PLCB1: variants seen among roughly 807,000 people sequenced by gnomAD.
PLCB1 encodes phospholipase C beta 1.
PLCB1 carries 46 observed loss-of-function variants against 161.8 expected under a neutral mutation model. The observed-to-expected ratio is 0.28, with a 90% CI of 0.22 to 0.36. The LOEUF (loss-of-function observed/expected upper bound fraction) is 0.36. Ranked by LOEUF, PLCB1 falls within the 10% of genes least tolerant of loss-of-function variation. The pLI, the probability that PLCB1 is intolerant of heterozygous loss-of-function variation, is 1.00. For missense variants in PLCB1, 1,016 were observed against 1,472.5 expected (o/e 0.69, Z 5.07); for synonymous variants, 517 against 503.7 (o/e 1.03, Z -0.35).
chr20:8,318,201 A>G (rs1984746060), intron 2 of PLCB1, among the ~76,000 whole-genome samples: 1 of 152,172 alleles, frequency 6.6e-6, no homozygotes, highest in South Asian at 2.1e-4. Flanking sequence ...GTATGATGTT[A>G]TATGACTTCT....
chr20:8,880,400 G>C (rs1987930829), intron 31 of PLCB1, among the ~76,000 whole-genome samples: 1 of 151,984 alleles, frequency 6.6e-6, no homozygotes, highest in Admixed American at 6.6e-5. Flanking sequence ...TTTGAAGAAA[G>C]GCTTCCAGGA....
intron 23 of PLCB1, among the ~76,000 whole-genome samples, chr20:8,742,069 G>A (rs1980909374): frequency 6.6e-6 from 1 of 152,114 alleles, no homozygotes; most frequent in African/African-American, 2.4e-5. Flanking sequence ...GTATTATAAT[G>A]TGTGTCCTGC....
chr20:8,789,614 G>A (rs940855946), intron 30 of PLCB1, 39 bp downstream of exon 30: 4 of 1,473,352 alleles, frequency 2.7e-6, no homozygotes, highest in Non-Finnish European at 2.9e-6. Flanking sequence ...TGCAAAACAT[G>A]TGTGAACATT....
intron 2 of PLCB1, among the ~76,000 whole-genome samples, chr20:8,243,955 G>A (rs1444365124): frequency 6.6e-6 from 1 of 151,822 alleles, no homozygotes; most frequent in Non-Finnish European, 1.5e-5. Context: ...GAAAGAATAG[G>A]TTTTTACTAA....
At chr20:8,728,371 A>G (rs1187270189) in intron 17 of PLCB1, among the ~76,000 whole-genome samples, 1 of 152,058 alleles carries the variant, frequency 6.6e-6, no homozygotes, top group Non-Finnish European at 1.5e-5. Context: ...TGTTTTAAAG[A>G]CATAGCATGG....
intron 3 of PLCB1, among the ~76,000 whole-genome samples, chr20:8,518,045 G>A (rs977934860): frequency 2.6e-5 from 4 of 152,082 alleles, no homozygotes; most frequent in African/African-American, 7.2e-5. Flanking sequence ...AGCTGGGCTT[G>A]GTGGCATGCG....
intron 29 of PLCB1, among the ~76,000 whole-genome samples, chr20:8,789,212 T>C (rs1426476291): frequency 6.6e-6 from 1 of 152,114 alleles, no homozygotes; most frequent in Non-Finnish European, 1.5e-5. Context: ...ACTCTGTCTC[T>C]ACAAAAAAAT....
intron 11 of PLCB1, among the ~76,000 whole-genome samples, chr20:8,704,382 CA>C (rs1351575555): frequency 6.6e-6 from 1 of 151,728 alleles, no homozygotes; most frequent in Admixed American, 6.6e-5. Flanking sequence ...GAAAAGTTAG[CA>C]AAGACTAATT....
At position 8,882,644 on chromosome 20, in the gene PLCB1, A is replaced by T. The variant is rs1988036677; in HGVS notation, c.*795A>T. On this transcript the variant is annotated 3_prime_UTR_variant, in exon 32 of 32. Transcript: ENST00000338037. ...GGGTATTCATTGGTTATTGGCCTGA[A>T]ATGATCAAATAACTACAAATGATCT... 1 of 152,578 alleles carries T rather than the reference A, an allele frequency of 6.6e-6. No homozygotes were observed. The highest frequency in any genetic ancestry group is 2.1e-4 in the South Asian group (1 of 4,832). The allele number at this position is 152,578 out of a possible 1,614,324, so 9.5% of individuals were successfully genotyped here. A position where few individuals can be genotyped will look rare whatever the true frequency, so the allele number is the denominator to read the frequency against.
chr20:8,296,654 T>C (rs540021196), intron 2 of PLCB1, among the ~76,000 whole-genome samples: 11 of 152,318 alleles, frequency 7.2e-5, no homozygotes, highest in African/African-American at 2.6e-4. Flanking sequence ...TCTCCTTGTT[T>C]GGCATTCCTT....
intron 15 of PLCB1, among the ~76,000 whole-genome samples, 185 bp from the exon 16 acceptor site, chr20:8,724,471 C>T (rs541798685): frequency 2.6e-5 from 4 of 152,184 alleles, no homozygotes; most frequent in African/African-American, 9.6e-5. Flanking sequence ...CTCCCTTCCT[C>T]CCTCCCTTTT....
intron 3 of PLCB1, among the ~76,000 whole-genome samples, chr20:8,501,319 T>C (rs776299429): frequency 1.2e-4 from 18 of 152,242 alleles, no homozygotes; most frequent in Non-Finnish European, 2.5e-4. Flanking sequence ...AGAGACTCCA[T>C]TGGATGAGCA....
chr20:8,595,952 G>GT (rs1436196927), intron 3 of PLCB1, among the ~76,000 whole-genome samples: 16 of 114,766 alleles, frequency 1.4e-4, no homozygotes, highest in Admixed American at 4.3e-4. Flanking sequence ...GGGGTTGTTT[G>GT]TTTTTTTCTT....
intron 31 of PLCB1, among the ~76,000 whole-genome samples, chr20:8,809,946 C>A (rs1984731236): frequency 6.6e-6 from 1 of 152,198 alleles, no homozygotes; most frequent in East Asian, 1.9e-4. Context: ...CCTCCTGCTG[C>A]TAGTACTAGC....
At chr20:8,317,523 TC>T (rs937996146) in intron 2 of PLCB1, among the ~76,000 whole-genome samples, 1 of 146,358 alleles carries the variant, frequency 6.8e-6, no homozygotes. Flanking sequence ...CACCCCCCCA[TC>T]CCCCCGACAC....
chr20:8,389,268 A>G (rs969505748), intron 3 of PLCB1, among the ~76,000 whole-genome samples: 12 of 152,206 alleles, frequency 7.9e-5, no homozygotes, highest in African/African-American at 2.9e-4. Flanking sequence ...CCATTTGTAA[A>G]ATACAGTGAA....
chr20:8,620,747 C>CAAAAAAAAAAAAAA (rs779029928), intron 3 of PLCB1, among the ~76,000 whole-genome samples: 1 of 75,242 alleles, frequency 1.3e-5, no homozygotes, highest in Non-Finnish European at 2.6e-5. Flanking sequence ...CTGCCCCCAC[C>CAAAAAAAAAAAAAA]AAAAAAAAAA....
At position 8,409,444 on chromosome 20, in the gene PLCB1, T is replaced by TTTA. The variant is rs66962703; in HGVS notation, c.246+38012_246+38014dup. 2.8e-4 allele frequency among the ~76,000 whole-genome samples: 41 copies of TTTA among 147,332 alleles called. 1 individual carries two copies. Among genetic ancestry groups the TTTA allele is most frequent in the African/African-American group, 4.0e-4 (16 of 40,442 alleles). On this transcript the variant is annotated intron_variant, in intron 3 of 31. Transcript: ENST00000338037. Reference sequence around the variant, plus strand: ...CTGCTCATATGGAATGTATATTATTTTTATTATTATTATTATTATTGTTAT... The same window carrying TTTA: ...CTGCTCATATGGAATGTATATTATTTTTATTATTATTATTATTATTATTGTTAT...
chr20:8,354,692 A>G (rs1206794182), intron 2 of PLCB1, among the ~76,000 whole-genome samples: 1 of 152,212 alleles, frequency 6.6e-6, no homozygotes, highest in Non-Finnish European at 1.5e-5. Flanking sequence ...ATCAGATGTT[A>G]TATTAATGGA....
Sources: allele counts gnomAD v4.1 joint callset (sites outside exome capture counted in the v4.1 genomes callset), GRCh38; gene constraint gnomAD v4.1.1; transcripts MANE v1.5; gene names NCBI Gene and HGNC (gene_info 2026-07-23, HGNC 2026-07-21).